Variants in FGF14 observed in about 807,000 individuals in gnomAD.
FGF14 encodes fibroblast growth factor 14, also known as fibroblast growth factor homologous factor 4.
In FGF14, 5 loss-of-function variants were observed where a neutral mutation model predicts 25.5. That is an observed-to-expected ratio of 0.20 (90% CI 0.10 to 0.41). FGF14 has a LOEUF of 0.41. Ranked by LOEUF, FGF14 falls within the 10% of genes least tolerant of loss-of-function variation. FGF14 has a pLI of 1.00. For synonymous variants in FGF14, 138 were observed against 118.3 expected (o/e 1.17, Z -1.08); for missense variants, 222 against 320.1 (o/e 0.69, Z 2.34).
chr13:101,928,814 T>G (rs1431139077), intron 1 of FGF14, among the ~76,000 whole-genome samples: 1 of 151,176 alleles, frequency 6.6e-6, no homozygotes, highest in East Asian at 2.0e-4. Context: ...GTGGCCATTA[T>G]ACTCTCTCCA....
upstream of FGF14, among the ~76,000 whole-genome samples, chr13:101,917,526 C>T (rs1456401209): frequency 6.6e-6 from 1 of 151,994 alleles, no homozygotes; most frequent in African/African-American, 2.4e-5. Context: ...TGGGGCTTCT[C>T]GGTCTTAACG....
At chr13:102,290,916 A>G (rs970592757) in intron 1 of FGF14, among the ~76,000 whole-genome samples, 1 of 152,116 alleles carries the variant, frequency 6.6e-6, no homozygotes, top group Non-Finnish European at 1.5e-5. Context: ...TGTGAGACCT[A>G]CTCTGTGGAT....
chr13:102,397,921 A>T (rs2058620073), intron 1 of FGF14, among the ~76,000 whole-genome samples: 1 of 152,032 alleles, frequency 6.6e-6, no homozygotes, highest in Non-Finnish European at 1.5e-5. Flanking sequence ...AAATAAAGTC[A>T]CCTTGCATGA....
At chr13:101,947,717 C>G (rs2035902868) in intron 1 of FGF14, among the ~76,000 whole-genome samples, 1 of 152,150 alleles carries the variant, frequency 6.6e-6, no homozygotes, top group Non-Finnish European at 1.5e-5. Flanking sequence ...GATTGAAAAG[C>G]TACCTACTGG....
intron 1 of FGF14, among the ~76,000 whole-genome samples, chr13:102,318,877 G>T (rs929213949): frequency 6.6e-6 from 1 of 152,282 alleles, no homozygotes; most frequent in East Asian, 1.9e-4. Context: ...CACACAGTAG[G>T]TTGGTACTCA....
At chr13:102,160,155 G>C (rs1279657716) in intron 1 of FGF14, among the ~76,000 whole-genome samples, 1 of 152,080 alleles carries the variant, frequency 6.6e-6, no homozygotes, top group Non-Finnish European at 1.5e-5. Context: ...GTACGTTTTT[G>C]GTTCTTTCCT....
Position 101,716,680 on chromosome 13 carries a change from A to ACTT in FGF14, c.*6148_*6150dup, listed in dbSNP as rs1359489284. 1.3e-5 allele frequency: 2 copies of ACTT among 152,070 alleles called. No homozygotes were observed. The highest frequency in any genetic ancestry group is 1.9e-4 in the East Asian group (1 of 5,142). 9.4% of individuals were successfully genotyped at this position (152,070 alleles called of 1,614,324 possible). ...AGTATGCATCCATTTCCCTTAAAAT[A>ACTT]CTTTTTTTTCTAAGGATACCTTACT... is the stretch of plus-strand genomic sequence containing the variant. On this transcript the variant is annotated 3_prime_UTR_variant, in exon 5 of 5. Coordinates refer to ENST00000376143, the MANE Select transcript of FGF14 (RefSeq NM_004115.4).
At chr13:102,091,840 A>G (rs1278472898) in intron 1 of FGF14, among the ~76,000 whole-genome samples, 1 of 152,146 alleles carries the variant, frequency 6.6e-6, no homozygotes, top group Non-Finnish European at 1.5e-5. Context: ...TTACTAATTA[A>G]GAAGTGTTTG....
chr13:102,155,949 A>G (rs2047313525), intron 1 of FGF14, among the ~76,000 whole-genome samples: 1 of 152,230 alleles, frequency 6.6e-6, no homozygotes. Flanking sequence ...CTCTCCCAAG[A>G]CTAAACCAGG....
At chr13:101,937,736 A>G (rs987487533) in intron 1 of FGF14, among the ~76,000 whole-genome samples, 1 of 152,068 alleles carries the variant, frequency 6.6e-6, no homozygotes, top group Non-Finnish European at 1.5e-5. Flanking sequence ...AGGAGCTGGG[A>G]CTACAGGTGC....
chr13:101,961,103 T>C (rs1372970806), intron 1 of FGF14, among the ~76,000 whole-genome samples: 1 of 152,216 alleles, frequency 6.6e-6, no homozygotes, highest in Non-Finnish European at 1.5e-5. Flanking sequence ...GTCAGGTGGA[T>C]AAATTGCAAA....
At chr13:102,245,092 G>A (rs2051797269) in intron 1 of FGF14, among the ~76,000 whole-genome samples, 1 of 152,022 alleles carries the variant, frequency 6.6e-6, no homozygotes, top group Non-Finnish European at 1.5e-5. Flanking sequence ...CCCAACCAGT[G>A]GACAAATCAG....
At chr13:102,013,896 A>G (rs1594989433) in intron 1 of FGF14, among the ~76,000 whole-genome samples, 1 of 152,144 alleles carries the variant, frequency 6.6e-6, no homozygotes, top group Admixed American at 6.5e-5. Context: ...CAAGAGGCAT[A>G]ATCAGGTTTA....
intron 1 of FGF14, among the ~76,000 whole-genome samples, chr13:102,339,870 G>T (rs1273994505): frequency 6.6e-6 from 1 of 152,018 alleles, no homozygotes; most frequent in Non-Finnish European, 1.5e-5. Context: ...CAGTAAAAAA[G>T]AATAAAAAAG....
intron 3 of FGF14, among the ~76,000 whole-genome samples, chr13:101,759,546 C>G (rs563901750): frequency 7.2e-5 from 11 of 152,224 alleles, no homozygotes; most frequent in African/African-American, 2.4e-4. Flanking sequence ...CCCATTGTTA[C>G]GATTCTTAAC....
At chr13:101,810,210 G>C (rs1261433320) in intron 3 of FGF14, among the ~76,000 whole-genome samples, 1 of 152,166 alleles carries the variant, frequency 6.6e-6, no homozygotes, top group Non-Finnish European at 1.5e-5. Flanking sequence ...GTTCGCTGTT[G>C]AGCAAGTTTT....
intron 1 of FGF14, among the ~76,000 whole-genome samples, chr13:102,133,067 GA>G (rs1321002906): frequency 6.6e-6 from 1 of 152,062 alleles, no homozygotes; most frequent in Non-Finnish European, 1.5e-5. Context: ...CAATTATATT[GA>G]AATGGATTGT....
At chr13:102,366,678 TAA>T (rs1055292227) in intron 1 of FGF14, 2 of 145,204 alleles carry the variant, frequency 1.4e-5, no homozygotes. Flanking sequence ...CTCCTGACAG[TAA>T]ACTCTTAATA....
chr13:102,117,673 G>A (rs2045536396), intron 1 of FGF14, among the ~76,000 whole-genome samples: 1 of 152,184 alleles, frequency 6.6e-6, no homozygotes, highest in African/African-American at 2.4e-5. Context: ...AGCCAGAGAA[G>A]AGGATGAACA....
Sources: gnomAD v4.1 joint callset for allele counts (sites outside exome capture counted in the v4.1 genomes callset) on GRCh38, gnomAD v4.1.1 for gene constraint, MANE v1.5 for transcripts, NCBI Gene and HGNC (gene_info 2026-07-23, HGNC 2026-07-21) for gene names.